Variants in CCSER1 observed in about 807,000 individuals in gnomAD.
CCSER1 encodes the protein serine-rich coiled-coil domain-containing protein 1.
CCSER1 carries 41 observed loss-of-function variants against 82.0 expected under a neutral mutation model. The ratio of observed to expected loss-of-function variants is 0.50; its 90% confidence interval spans 0.39 to 0.65. The LOEUF is 0.65. Ranked by LOEUF, CCSER1 falls within the 30% of genes least tolerant of loss-of-function variation. CCSER1 has a pLI of 0.00. For synonymous variants in CCSER1, 414 were observed against 383.9 expected, an observed-to-expected ratio of 1.08 and a Z score of -0.92; for missense variants, 1,119 against 1,064.2, an observed-to-expected ratio of 1.05 and a Z score of -0.72.
At chr4:91,084,790 A>G (rs1259969913) in intron 9 of CCSER1, among the ~76,000 whole-genome samples, 1 of 152,160 alleles carries the variant, frequency 6.6e-6, no homozygotes, top group Non-Finnish European at 1.5e-5. Flanking sequence ...TCAAGAGAGT[A>G]GTAAAGCTAC....
At chr4:91,110,876 A>T (rs1048673691) in intron 10 of CCSER1, among the ~76,000 whole-genome samples, 6 of 151,708 alleles carry the variant, frequency 4.0e-5, no homozygotes, top group Admixed American at 3.3e-4. Flanking sequence ...CATATATTAT[A>T]TTTTGGGGTC....
chr4:90,912,864 G>A (rs1467085333), intron 8 of CCSER1, among the ~76,000 whole-genome samples: 3 of 152,138 alleles, frequency 2.0e-5, no homozygotes, highest in Admixed American at 6.6e-5. Context: ...TAGCTGATTC[G>A]ATCAACTGGA....
At chr4:90,981,294 T>C (rs1178949813) in intron 9 of CCSER1, among the ~76,000 whole-genome samples, 1 of 151,832 alleles carries the variant, frequency 6.6e-6, no homozygotes, top group Admixed American at 6.6e-5. Flanking sequence ...CTATTTGTAC[T>C]CAAATCTGTT....
intron 10 of CCSER1, among the ~76,000 whole-genome samples, chr4:91,215,571 A>G (rs1001567001): frequency 1.3e-5 from 2 of 152,166 alleles, no homozygotes; most frequent in African/African-American, 2.4e-5. Flanking sequence ...GGAGGCCAGC[A>G]GACTAAGCCA....
At chr4:91,400,644 A>G (rs1390223635) in intron 10 of CCSER1, among the ~76,000 whole-genome samples, 2 of 150,886 alleles carry the variant, frequency 1.3e-5, no homozygotes, top group Non-Finnish European at 1.5e-5. Flanking sequence ...TAGTGTTTTT[A>G]TGTCTCCCTT....
intron 9 of CCSER1, among the ~76,000 whole-genome samples, chr4:90,992,036 A>C (rs1010735544): frequency 2.6e-5 from 4 of 151,992 alleles, no homozygotes; most frequent in Admixed American, 6.6e-5. Context: ...AGCTTTTCTT[A>C]TTTGAACTGA....
intron 9 of CCSER1, among the ~76,000 whole-genome samples, chr4:90,962,677 G>C (rs1320449859): frequency 6.6e-6 from 1 of 152,000 alleles, no homozygotes; most frequent in Non-Finnish European, 1.5e-5. Context: ...TATTTAGTAG[G>C]GTACTGTACA....
In CCSER1 at chr4:91,344,644, A is replaced by G. The variant is rs534816869; in HGVS notation, c.2218-253928A>G. ...TTAACCTCAAACTTTGGAGTCTACA[A>G]AGGAAAAAAAAAAAGGAATAAAAGA... On this transcript the variant is annotated intron_variant, in intron 10 of 10. Coordinates refer to ENST00000509176, the MANE Select transcript of CCSER1 (RefSeq NM_001145065.2). Among the ~76,000 whole-genome samples, 75 of 147,158 alleles carry G rather than the reference A, an allele frequency of 5.1e-4. 2 individuals are homozygous for G. In the East Asian group the frequency reaches 0.013, roughly 26 times the overall value.
intron 6 of CCSER1, among the ~76,000 whole-genome samples, chr4:90,699,859 T>TA (rs1737705565): frequency 6.6e-6 from 1 of 152,016 alleles, no homozygotes; most frequent in African/African-American, 2.4e-5. Flanking sequence ...CCCTTATAAA[T>TA]AAACCCTACA....
chr4:90,344,815 A>ATG (rs1742043774), intron 3 of CCSER1, among the ~76,000 whole-genome samples: 1 of 152,138 alleles, frequency 6.6e-6, no homozygotes, highest in Non-Finnish European at 1.5e-5. Flanking sequence ...TGTCTAATAG[A>ATG]TGTAACTAAG....
At chr4:91,463,041 G>A (rs1756604611) in intron 10 of CCSER1, among the ~76,000 whole-genome samples, 1 of 152,196 alleles carries the variant, frequency 6.6e-6, no homozygotes, top group African/African-American at 2.4e-5. Context: ...GGAGATATGA[G>A]AACGGACAGA....
intron 9 of CCSER1, chr4:91,017,453 G>A (rs1463071515): frequency 3.3e-5 from 5 of 152,106 alleles, no homozygotes; most frequent in African/African-American, 9.7e-5. Flanking sequence ...GTGCAGGTTC[G>A]TTATATAGGT....
chr4:90,656,174 C>G (rs757193557), intron 6 of CCSER1, among the ~76,000 whole-genome samples: 1 of 151,768 alleles, frequency 6.6e-6, no homozygotes. Flanking sequence ...ATTTTTGAAA[C>G]CCATTGGACA....
At chr4:90,566,779 T>TTTTTAGTAGAGA (rs1779446906) in intron 5 of CCSER1, among the ~76,000 whole-genome samples, 1 of 152,024 alleles carries the variant, frequency 6.6e-6, no homozygotes, top group Non-Finnish European at 1.5e-5. Flanking sequence ...ATTTTGTGTA[T>TTTTTAGTAGAGA]TTTTAGTAGA....
At chr4:90,798,668 C>T (rs1756365730) in intron 7 of CCSER1, among the ~76,000 whole-genome samples, 1 of 152,110 alleles carries the variant, frequency 6.6e-6, no homozygotes, top group Admixed American at 6.5e-5. Context: ...ATTCTTTTAT[C>T]CTATTTGATG....
At chr4:90,190,899 A>G (rs901833006) in intron 1 of CCSER1, among the ~76,000 whole-genome samples, 14 of 152,106 alleles carry the variant, frequency 9.2e-5, no homozygotes, top group African/African-American at 3.4e-4. Flanking sequence ...CTCTGCTCAT[A>G]TGACATAAAA....
chr4:91,579,447 G>A (rs1239306915), intron 10 of CCSER1, among the ~76,000 whole-genome samples: 2 of 151,588 alleles, frequency 1.3e-5, no homozygotes, highest in Admixed American at 6.6e-5. Flanking sequence ...CATAGGAAAT[G>A]GCATCTATGT....
chr4:90,827,834 G>A (rs920485580), intron 8 of CCSER1, among the ~76,000 whole-genome samples: 1 of 152,098 alleles, frequency 6.6e-6, no homozygotes, highest in African/African-American at 2.4e-5. Context: ...AATTTATCAT[G>A]TGCACCAGAA....
chr4:90,755,704 A>C (rs746501871), intron 7 of CCSER1, among the ~76,000 whole-genome samples: 13 of 152,216 alleles, frequency 8.5e-5, no homozygotes, highest in South Asian at 6.2e-4. Flanking sequence ...TATCAATGCA[A>C]AACACTGTAT....
Sources: gnomAD v4.1 joint callset for allele counts (sites outside exome capture counted in the v4.1 genomes callset) on GRCh38, gnomAD v4.1.1 for gene constraint, MANE v1.5 for transcripts, NCBI Gene and HGNC (gene_info 2026-07-23, HGNC 2026-07-21) for gene names.